Variants in ARSB observed in about 807,000 individuals in gnomAD.
The protein encoded by ARSB is N-acetylgalactosamine-4-sulfatase.
A neutral mutation model predicts 50.9 loss-of-function variants in ARSB; 41 were observed. The observed-to-expected ratio is 0.81, with a 90% CI of 0.63 to 1.04. ARSB has a LOEUF of 1.04. Among genes scored for constraint, ARSB ranks in the 50% least tolerant of loss-of-function variants. The pLI is 0.00. For synonymous variants in ARSB, 269 were observed against 284.8 expected (o/e 0.94, Z 0.56); for missense variants, 672 against 693.3 (o/e 0.97, Z 0.35).
chr5:78,919,836 C>T (rs1034269068), intron 4 of ARSB, among the ~76,000 whole-genome samples: 2 of 152,114 alleles, frequency 1.3e-5, no homozygotes, highest in Non-Finnish European at 2.9e-5. Flanking sequence ...AGAAGTAAAG[C>T]GTTCACTTAC....
intron 4 of ARSB, among the ~76,000 whole-genome samples, chr5:78,923,638 C>A (rs1184597750): frequency 6.6e-6 from 1 of 152,204 alleles, no homozygotes; most frequent in Non-Finnish European, 1.5e-5. Context: ...AACATACCTA[C>A]CTCACATTCT....
chr5:78,873,356 T>C (rs1001571364), intron 5 of ARSB, among the ~76,000 whole-genome samples: 2 of 150,272 alleles, frequency 1.3e-5, no homozygotes, highest in African/African-American at 4.9e-5. Context: ...TAATTCAAAA[T>C]AAAGAAAAAA....
intron 6 of ARSB, among the ~76,000 whole-genome samples, chr5:78,795,084 C>T (rs1743130895): frequency 1.3e-5 from 2 of 152,158 alleles, no homozygotes; most frequent in African/African-American, 4.8e-5. Flanking sequence ...ATAATAGGGT[C>T]CCTGGCAGAG....
In ARSB at chr5:78,914,217, G is replaced by T. The variant is rs146183494; in HGVS notation, c.899-28390C>A. 8.9e-3 allele frequency among the ~76,000 whole-genome samples: 1,358 copies of T among 151,984 alleles called. 15 individuals are homozygous for T. The highest frequency in any genetic ancestry group is 0.013 in the Non-Finnish European group (914 of 67,970). On this transcript the variant is annotated intron_variant, in intron 4 of 7. Transcript: ENST00000264914. ...TGGCCTCAAGTAATCTTCCTGCCTT[G>T]GCCTCCCAAAGTGCTGGGATTACAA...
intron 3 of ARSB, among the ~76,000 whole-genome samples, chr5:78,958,154 G>A (rs1270121536): frequency 1.3e-5 from 2 of 152,078 alleles, no homozygotes; most frequent in African/African-American, 4.8e-5. Context: ...TACATAAACT[G>A]CTTCACTTCT....
At chr5:78,860,176 T>C (rs1248007924) in intron 5 of ARSB, among the ~76,000 whole-genome samples, 1 of 152,290 alleles carries the variant, frequency 6.6e-6, no homozygotes, top group African/African-American at 2.4e-5. Flanking sequence ...CCTGGATATC[T>C]TTGTTAACTT....
intron 4 of ARSB, among the ~76,000 whole-genome samples, chr5:78,944,403 G>GTTTTACCTT (rs1418523119): frequency 6.6e-6 from 1 of 152,176 alleles, no homozygotes; most frequent in Non-Finnish European, 1.5e-5. Context: ...CCCCATCTTT[G>GTTTTACCTT]TGGTTTTATT....
chr5:78,797,413 T>TA (rs1743226811), intron 6 of ARSB, among the ~76,000 whole-genome samples: 3 of 152,252 alleles, frequency 2.0e-5, no homozygotes, highest in Non-Finnish European at 4.4e-5. Context: ...TTGTTTTGTG[T>TA]ATCCAACCAT....
intron 5 of ARSB, among the ~76,000 whole-genome samples, chr5:78,853,837 C>T (rs1745992347): frequency 6.6e-6 from 1 of 152,232 alleles, no homozygotes; most frequent in Non-Finnish European, 1.5e-5. Context: ...ATCAGCGAAA[C>T]TCTGTGGGCA....
At chr5:78,969,274 T>C in intron 1 of ARSB, 82 bp from the exon 2 acceptor site, 1 of 1,402,436 alleles carries the variant, frequency 7.1e-7, no homozygotes, top group South Asian at 1.2e-5. Context: ...TCTACCTTAC[T>C]GATCATATCT....
intron 4 of ARSB, among the ~76,000 whole-genome samples, chr5:78,952,788 T>C (rs1266844906): frequency 6.6e-6 from 1 of 152,242 alleles, no homozygotes; most frequent in Non-Finnish European, 1.5e-5. Context: ...TAGAAAATCA[T>C]TTGTCCTGAA....
chr5:78,828,826 T>A (rs1418907799), intron 6 of ARSB, among the ~76,000 whole-genome samples: 1 of 152,138 alleles, frequency 6.6e-6, no homozygotes, highest in Non-Finnish European at 1.5e-5. Flanking sequence ...AGGCTGCAGA[T>A]GGAATTAAGA....
intron 1 of ARSB, among the ~76,000 whole-genome samples, chr5:78,977,515 T>G (rs1580157678): frequency 6.6e-6 from 1 of 152,152 alleles, no homozygotes; most frequent in Non-Finnish European, 1.5e-5. Flanking sequence ...CCCCTTCAGA[T>G]TATAAGCACC....
intron 4 of ARSB, among the ~76,000 whole-genome samples, chr5:78,954,968 T>C (rs1751652105): frequency 6.6e-6 from 1 of 152,192 alleles, no homozygotes; most frequent in South Asian, 2.1e-4. Flanking sequence ...GTCTGGGTTG[T>C]AGAGAGAGCT....
At chr5:78,861,167 G>A (rs183129821) in intron 5 of ARSB, among the ~76,000 whole-genome samples, 8 of 152,194 alleles carry the variant, frequency 5.3e-5, no homozygotes, top group South Asian at 2.1e-4. Context: ...ATTCACAGCC[G>A]AATTCTACCA....
chr5:78,933,478 C>T (rs2112398781), intron 4 of ARSB, among the ~76,000 whole-genome samples: 1 of 152,202 alleles, frequency 6.6e-6, no homozygotes, highest in African/African-American at 2.4e-5. Flanking sequence ...ACAATTATTC[C>T]CAGGCCCACA....
intron 4 of ARSB, among the ~76,000 whole-genome samples, chr5:78,906,612 C>T (rs1333326897): frequency 6.6e-6 from 1 of 152,108 alleles, no homozygotes; most frequent in African/African-American, 2.4e-5. Flanking sequence ...TCTTCTCTGT[C>T]CCTATTCTTA....
At chr5:78,899,051 A>C (rs993678293) in intron 4 of ARSB, among the ~76,000 whole-genome samples, 1 of 152,106 alleles carries the variant, frequency 6.6e-6, no homozygotes, top group Non-Finnish European at 1.5e-5. Context: ...TCTCCTTTAT[A>C]TTTGAATGAT....
intron 5 of ARSB, chr5:78,883,803 GACTTTAA>G (rs994546522): frequency 2.6e-5 from 4 of 152,078 alleles, no homozygotes; most frequent in African/African-American, 7.2e-5. Context: ...GAACTCACAG[GACTTTAA>G]ACTTTAATGT....
Sources: gnomAD v4.1 joint callset for allele counts (sites outside exome capture counted in the v4.1 genomes callset) on GRCh38, gnomAD v4.1.1 for gene constraint, MANE v1.5 for transcripts, NCBI Gene and HGNC (gene_info 2026-07-23, HGNC 2026-07-21) for gene names.